Variants in IL1RAPL1 observed in about 807,000 individuals in gnomAD.
IL1RAPL1 encodes interleukin-1 receptor accessory protein-like 1.
Under a neutral mutation model 48.4 loss-of-function variants are expected in IL1RAPL1, and 3 were observed. The observed-to-expected ratio is 0.06, with a 90% CI of 0.03 to 0.16. The LOEUF (loss-of-function observed/expected upper bound fraction) is 0.16, where lower values mean the gene tolerates loss of function less well. Among genes scored for constraint, IL1RAPL1 ranks in the 10% least tolerant of loss-of-function variants. The probability of loss-of-function intolerance (pLI) is 1.00; values close to 1 mark genes in which losing one functional copy is unlikely to be tolerated. For synonymous variants in IL1RAPL1, 185 were observed against 187.7 expected, an observed-to-expected ratio of 0.99 and a Z score of 0.12; for missense variants, 349 against 530.6, an observed-to-expected ratio of 0.66 and a Z score of 3.36.
At chrX:29,081,799 C>T (rs1296557232) in intron 2 of IL1RAPL1, among the ~76,000 whole-genome samples, 1 of 108,974 alleles carries the variant, frequency 9.2e-6, no homozygotes, top group African/African-American at 3.4e-5. Flanking sequence ...TTTCATCTGC[C>T]TGGAAATATT....
At chrX:28,687,599 G>A (rs1210485826) in intron 1 of IL1RAPL1, among the ~76,000 whole-genome samples, 1 of 107,859 alleles carries the variant, frequency 9.3e-6, no homozygotes, top group Admixed American at 1.0e-4. Flanking sequence ...TGGCTAACAC[G>A]GTGAAACCCC....
At chrX:29,506,041 A>G (rs1935323452) in intron 5 of IL1RAPL1, among the ~76,000 whole-genome samples, 2 of 112,091 alleles carry the variant, frequency 1.8e-5, no homozygotes, top group Non-Finnish European at 3.8e-5. Flanking sequence ...TCAGTCCAGC[A>G]GATATATTTC....
At chrX:28,626,522 ATTTC>A (rs1004927503) in intron 1 of IL1RAPL1, among the ~76,000 whole-genome samples, 17 of 111,812 alleles carry the variant, frequency 1.5e-4, no homozygotes, top group African/African-American at 5.5e-4. Flanking sequence ...TTAGGAGTGA[ATTTC>A]TTTCTTAAGT....
chrX:29,076,053 A>T (rs1927663246), intron 2 of IL1RAPL1, among the ~76,000 whole-genome samples: 1 of 111,839 alleles, frequency 8.9e-6, no homozygotes, highest in African/African-American at 3.2e-5. Context: ...GTTTCTTCTC[A>T]AAAGTGCCTA....
chrX:28,609,148 C>G (rs1417078113), intron 1 of IL1RAPL1, among the ~76,000 whole-genome samples: 1 of 112,313 alleles, frequency 8.9e-6, no homozygotes, highest in African/African-American at 3.2e-5. Flanking sequence ...TTGGGCAGCT[C>G]TAGCCAGCTG....
chrX:29,905,719 T>C (rs753204097), intron 6 of IL1RAPL1, among the ~76,000 whole-genome samples: 85 of 111,439 alleles, frequency 7.6e-4, no homozygotes, highest in African/African-American at 2.7e-3. Context: ...CCAACAAATG[T>C]CAGAGCCATA....
rs185255437 is a variant in IL1RAPL1, at chrX:29,756,789, A to G, written c.778+88285A>G. Among the ~76,000 whole-genome samples, 8 of 112,273 alleles carry G rather than the reference A, an allele frequency of 7.1e-5. No homozygotes were observed. The East Asian group carries it at 2.2e-3, about 31-fold the overall frequency. ...GATATGTTGAAATCCTAACCCCAGA[A>G]TGTTACTTTCTTTGGAAATAAGGAC... is the stretch of plus-strand genomic sequence containing the variant. On this transcript the variant is annotated intron_variant, in intron 6 of 10. Coordinates refer to ENST00000378993, the MANE Select transcript of IL1RAPL1 (RefSeq NM_014271.4).
At position 28,779,616 on chromosome X, in the gene IL1RAPL1, TTA is replaced by T. The variant is rs1184944267; in HGVS notation, c.-24-9702_-24-9701del. On this transcript the variant is annotated intron_variant, in intron 1 of 10. Transcript: ENST00000378993. Reference sequence around the variant, plus strand: ...ATTTATCAGGTACAGAGTGATACTATTATGTGTGTGTGTGTGTGTATATATAT... The same window carrying T: ...ATTTATCAGGTACAGAGTGATACTATTGTGTGTGTGTGTGTGTATATATAT... Among the ~76,000 whole-genome samples the T allele has an allele frequency of 0.014, 767 of 55,922 alleles. 38 individuals carry two copies. The East Asian group carries it at 0.16, about 12-fold the overall frequency. 48.6% of individuals were successfully genotyped at this position (55,922 alleles called of 115,157 possible). A position where few individuals can be genotyped will look rare whatever the true frequency, so the allele number is the denominator to read the frequency against.
Position 28,679,419 on chromosome X carries a change from A to AT in IL1RAPL1, c.-25+91380dup, listed in dbSNP as rs1233521181. The stretch of plus-strand genomic sequence containing the variant: ...CTTCGTAAGTTTTGTTTTTGTTTTT[A>AT]TTTTTTTTACTTTGTTAATTGTTTG... On this transcript the variant is annotated intron_variant, in intron 1 of 10. Transcript: ENST00000378993. Among the ~76,000 whole-genome samples, 57 of 107,671 alleles carry AT rather than the reference A, an allele frequency of 5.3e-4. No individual in the cohort carries two copies. In the South Asian group the frequency reaches 0.017, roughly 32 times the overall value. 93.5% of individuals were successfully genotyped at this position (107,671 alleles called of 115,157 possible).
At chrX:28,743,729 C>T (rs1163978727) in intron 1 of IL1RAPL1, among the ~76,000 whole-genome samples, 1 of 84,388 alleles carries the variant, frequency 1.2e-5, no homozygotes, top group East Asian at 3.7e-4. Context: ...TGAAACCATT[C>T]GTTTGCTTAT....
At chrX:29,020,311 C>T (rs1296527295) in intron 2 of IL1RAPL1, among the ~76,000 whole-genome samples, 1 of 112,123 alleles carries the variant, frequency 8.9e-6, no homozygotes, top group African/African-American at 3.2e-5. Flanking sequence ...CAAATTTACC[C>T]TGGTGGTCCC....
chrX:29,841,790 G>A (rs909918697), intron 6 of IL1RAPL1, among the ~76,000 whole-genome samples: 7 of 111,630 alleles, frequency 6.3e-5, no homozygotes, highest in African/African-American at 2.3e-4. Context: ...GCAGAATGAT[G>A]TAACAGGGCT....
chrX:29,711,487 C>A lies in IL1RAPL1; in HGVS notation c.778+42983C>A, dbSNP rs937271664. Among the ~76,000 whole-genome samples, 37 of 110,864 alleles carry A rather than the reference C, an allele frequency of 3.3e-4. No individual in the cohort carries two copies. The Admixed American group carries it at 3.6e-3, about 11-fold the overall frequency. The stretch of plus-strand genomic sequence containing the variant: ...TGTGAGCCACCGCGCCTAGCCAGGT[C>A]CTCATTTCTTCATGTGTGAATTGAA... On this transcript the variant is annotated intron_variant, in intron 6 of 10. Coordinates refer to ENST00000378993, the MANE Select transcript of IL1RAPL1 (RefSeq NM_014271.4).
intron 6 of IL1RAPL1, among the ~76,000 whole-genome samples, chrX:29,902,201 G>A (rs1932508809): frequency 9.0e-6 from 1 of 110,560 alleles, no homozygotes; most frequent in Non-Finnish European, 1.9e-5. Context: ...TCAACACTCA[G>A]GTGCAACATC....
At chrX:28,737,120 T>C (rs67950972) in intron 1 of IL1RAPL1, among the ~76,000 whole-genome samples, 2,660 of 20,899 alleles carry the variant, frequency 0.13, 219 homozygotes, top group African/African-American at 0.32. Context: ...TTCTTTTCCT[T>C]CCTTCCTTCC....
At chrX:29,599,013 T>G (rs2147060931) in intron 5 of IL1RAPL1, among the ~76,000 whole-genome samples, 1 of 112,193 alleles carries the variant, frequency 8.9e-6, no homozygotes, top group Admixed American at 9.4e-5. Flanking sequence ...AAAGTGGAGT[T>G]TTGAGGTCAT....
chrX:29,774,648 AACT>A lies in IL1RAPL1; in HGVS notation c.778+106145_778+106147del, dbSNP rs770509301. 3.6e-5 allele frequency among the ~76,000 whole-genome samples: 4 copies of A among 111,893 alleles called. No individual in the cohort carries two copies. The East Asian group carries it at 1.1e-3, about 31-fold the overall frequency. On this transcript the variant is annotated intron_variant, in intron 6 of 10. Coordinates refer to ENST00000378993, the MANE Select transcript of IL1RAPL1 (RefSeq NM_014271.4). ...GTTTGTTATAAATTTCAGTGTCAGA[AACT>A]TTAAACTAGAAATGCATTCCCATCG... is the stretch of plus-strand genomic sequence containing the variant.
intron 5 of IL1RAPL1, among the ~76,000 whole-genome samples, chrX:29,552,851 A>G (rs748840349): frequency 1.5e-4 from 2 of 13,345 alleles, no homozygotes; most frequent in Non-Finnish European, 2.8e-4. Context: ...GCAAGTTTCT[A>G]TTGATTAAGT....
chrX:29,068,563 G>T (rs1927497597), intron 2 of IL1RAPL1, among the ~76,000 whole-genome samples: 1 of 112,522 alleles, frequency 8.9e-6, no homozygotes, highest in Admixed American at 9.4e-5. Flanking sequence ...ACCTAGTGAA[G>T]AATTTTCCAG....
Sources: gnomAD v4.1 joint callset for allele counts (sites outside exome capture counted in the v4.1 genomes callset) on GRCh38, gnomAD v4.1.1 for gene constraint, MANE v1.5 for transcripts, NCBI Gene and HGNC (gene_info 2026-07-23, HGNC 2026-07-21) for gene names.